TNC: variants seen among roughly 807,000 people sequenced by gnomAD.
TNC encodes tenascin.
In TNC, 109 loss-of-function variants were observed where a neutral mutation model predicts 202.4. That is an observed-to-expected ratio of 0.54 (90% CI 0.46 to 0.63). The LOEUF (loss-of-function observed/expected upper bound fraction) is 0.63, where lower values mean the gene tolerates loss of function less well. Ranked by LOEUF, TNC falls within the 30% of genes least tolerant of loss-of-function variation. The pLI is 0.00. For missense variants in TNC, 2,756 were observed against 2,833.3 expected, an observed-to-expected ratio of 0.97 and a Z score of 0.62; for synonymous variants, 1,007 against 1,089.7, an observed-to-expected ratio of 0.92 and a Z score of 1.50.
At chr9:115,036,262 C>T (rs759099089) in intron 20 of TNC, 21 bp from the exon 21 acceptor site, 1 of 1,612,742 alleles carries the variant, frequency 6.2e-7, no homozygotes. Context: ...AATACACATA[C>T]CAAGGCAGTC....
chr9:115,073,670 G>A lies in TNC; in HGVS notation c.3147C>T (p.Tyr1049=), dbSNP rs1201054557. The change falls in exon 10 of 28, where the codon TAC becomes TAT. Residue 1049 remains tyrosine, a synonymous_variant. Coordinates refer to ENST00000350763, the MANE Select transcript of TNC (RefSeq NM_002160.4). The part of the protein sequence containing the change: ...VLRGLEPGQE[Y]NVLLTAEKGR... ...CTTTCTCGGCTGTCAGGAGGACATT[G>A]TACTCCTGTCCTGGTTCCAGGCCTC... is the stretch of plus-strand genomic sequence containing the variant. The A allele has an allele frequency of 1.9e-6, 3 of 1,614,052 alleles. No individual in the cohort carries two copies. Among genetic ancestry groups the A allele is most frequent in the African/African-American group, 2.7e-5 (2 of 74,920 alleles).
intron 19 of TNC, among the ~76,000 whole-genome samples, chr9:115,039,924 T>C (rs1830605994): frequency 6.6e-6 from 1 of 152,226 alleles, no homozygotes; most frequent in African/African-American, 2.4e-5. Context: ...GATGGGATAT[T>C]TTAATTGTGT....
intron 7 of TNC, 102 bp from the exon 8 acceptor site, chr9:115,076,677 AGAAATTAC>A: frequency 7.6e-7 from 1 of 1,317,804 alleles, no homozygotes; most frequent in Non-Finnish European, 1.0e-6. Context: ...GGAACTGGAG[AGAAATTAC>A]AAAATTCTCA....
intron 1 of TNC, among the ~76,000 whole-genome samples, chr9:115,105,312 CT>C (rs1470645331): frequency 6.6e-6 from 1 of 152,186 alleles, no homozygotes; most frequent in East Asian, 1.9e-4. Flanking sequence ...CATCTAAATG[CT>C]ATAATAATAA....
intron 20 of TNC, among the ~76,000 whole-genome samples, chr9:115,036,500 T>C (rs1034938876): frequency 1.3e-5 from 2 of 152,100 alleles, no homozygotes; most frequent in South Asian, 2.1e-4. Context: ...GGTCAGGAGA[T>C]TTTTTTCCCA....
chr9:115,092,772 G>A (rs1835330416), intron 1 of TNC, among the ~76,000 whole-genome samples: 1 of 148,140 alleles, frequency 6.8e-6, no homozygotes, highest in Admixed American at 6.7e-5. Context: ...TTTTAGTAGA[G>A]TTGGAGTTTC....
At chr9:115,060,603 C>G (rs1231320926) in intron 13 of TNC, among the ~76,000 whole-genome samples, 1 of 152,194 alleles carries the variant, frequency 6.6e-6, no homozygotes, top group Non-Finnish European at 1.5e-5. Context: ...CAAGTGTTTT[C>G]CCTTGGAATT....
chr9:115,030,540 C>T (rs1829870338), intron 23 of TNC, 135 bp from the exon 24 acceptor site: 4 of 1,066,820 alleles, frequency 3.7e-6, no homozygotes, highest in African/African-American at 3.2e-5. Context: ...CAATTAAAAA[C>T]TCATAGAAAT....
intron 5 of TNC, 57 bp from the exon 6 acceptor site, chr9:115,081,985 T>C (rs1363485701): frequency 2.6e-5 from 39 of 1,487,354 alleles, no homozygotes; most frequent in Middle Eastern, 2.4e-4. Context: ...TCTTAATTTA[T>C]GTGATTCATT....
chr9:115,107,236 T>G (rs1836687260), intron 1 of TNC, among the ~76,000 whole-genome samples: 1 of 152,146 alleles, frequency 6.6e-6, no homozygotes, highest in Admixed American at 6.6e-5. Context: ...ATGTAAAGCT[T>G]TGCAGTTAGA....
intron 13 of TNC, among the ~76,000 whole-genome samples, chr9:115,062,608 C>CAA (rs11323889): frequency 1.7e-5 from 2 of 114,448 alleles, no homozygotes; most frequent in African/African-American, 3.2e-5. Context: ...GACCCTGACT[C>CAA]AAAAAAAAAA....
At chr9:115,051,319 T>C (rs955445394) in intron 15 of TNC, among the ~76,000 whole-genome samples, 6 of 151,966 alleles carry the variant, frequency 3.9e-5, no homozygotes, top group Non-Finnish European at 8.8e-5. Flanking sequence ...CCCGATCACA[T>C]CTAAAAAAAC....
chr9:115,086,971 C>T lies in TNC; in HGVS notation c.760G>A (p.Val254Met). 1 of 1,614,248 alleles carries T rather than the reference C, an allele frequency of 6.2e-7. No individual in the cohort carries two copies. The change falls in exon 3 of 28, where the codon GTG becomes ATG. Residue 254 changes from valine to methionine, a missense_variant. This residue lies in a region of TNC where 2,559 missense variants were observed against 2,546.0 expected (regional missense o/e 1.01). Transcript: ENST00000350763. ...GTGCCGTGCTCCTCACTGCAGGGCA[C>T]TGGGCAGATTTCACGGCTGCAGTCA... ...GADCSREICP[V>M]PCSEEHGTCV...
chr9:115,063,711 C>A, intron 12 of TNC, 85 bp downstream of exon 12: 1 of 1,428,290 alleles, frequency 7.0e-7, no homozygotes, highest in Admixed American at 1.9e-5. Context: ...AGGAGCTGAT[C>A]CCAGTTTAAA....
In TNC at chr9:115,031,666, T is replaced by C. The variant is rs143490879; in HGVS notation, c.5807A>G (p.Asp1936Gly). 4.3e-6 allele frequency: 7 copies of C among 1,610,402 alleles called. No homozygotes were observed. The highest frequency in any genetic ancestry group is 5.9e-6 in the Non-Finnish European group (7 of 1,178,518). The stretch of plus-strand genomic sequence containing the variant: ...GTCTGCCAGGCTGTAGGAGGTGGTA[T>C]CTGGACCCACAATGACTTCCTAAGA... The part of the protein sequence containing the change: ...GTVKEVIVGP[D>G]TTSYSLADLS... The change falls in exon 23 of 28, where the codon GAT becomes GGT. Residue 1936 changes from aspartate to glycine, a missense_variant. By Grantham distance (94) the Asp-to-Gly change is moderately conservative (BLOSUM62 -1). Transcript: ENST00000350763.
At chr9:115,071,933 C>T (rs1026911707) in intron 10 of TNC, among the ~76,000 whole-genome samples, 1 of 152,146 alleles carries the variant, frequency 6.6e-6, no homozygotes, top group Non-Finnish European at 1.5e-5. Context: ...ACTATTCTTT[C>T]AGAGCATCCT....
chr9:115,023,000 TC>T (rs1305829663), intron 27 of TNC, among the ~76,000 whole-genome samples: 2 of 118,214 alleles, frequency 1.7e-5, no homozygotes, highest in African/African-American at 6.7e-5. Context: ...ATCAACTGCC[TC>T]CCCCCTGACC....
At chr9:115,031,489 A>G in intron 23 of TNC, 64 bp downstream of exon 23, 1 of 1,402,894 alleles carries the variant, frequency 7.1e-7, no homozygotes, top group Non-Finnish European at 9.3e-7. Context: ...GTCAAAGGGG[A>G]AGTCAAGGGT....
intron 20 of TNC, among the ~76,000 whole-genome samples, chr9:115,037,043 C>T (rs144960683): frequency 4.9e-4 from 74 of 152,312 alleles, no homozygotes; most frequent in African/African-American, 1.7e-3. Context: ...AGGTGCAACA[C>T]CATCTTTCCT....
Sources: allele counts gnomAD v4.1 joint callset (sites outside exome capture counted in the v4.1 genomes callset), GRCh38; gene constraint gnomAD v4.1.1; regional missense constraint gnomAD v4.1.1; transcripts MANE v1.5; gene names NCBI Gene and HGNC (gene_info 2026-07-23, HGNC 2026-07-21).